The following QSOX2 variants were observed in gnomAD, a reference collection of about 807,000 sequenced individuals.
QSOX2 encodes the protein quiescin sulfhydryl oxidase 2, also known as sulfhydryl oxidase 2.
Under a neutral mutation model 61.7 loss-of-function variants are expected in QSOX2, and 46 were observed. The ratio of observed to expected loss-of-function variants is 0.75; its 90% CI spans 0.59 to 0.95. QSOX2 has a LOEUF of 0.95. Ranked by LOEUF, QSOX2 falls within the 40% of genes least tolerant of loss-of-function variation. The probability of loss-of-function intolerance (pLI) is 0.00; values close to 1 mark genes in which losing one functional copy is unlikely to be tolerated. For synonymous variants in QSOX2, 383 were observed against 388.4 expected (o/e 0.99, Z 0.16); for missense variants, 879 against 918.9 (o/e 0.96, Z 0.56).
intron 1 of QSOX2, among the ~76,000 whole-genome samples, chr9:136,227,213 G>A (rs1588637770): frequency 6.6e-6 from 1 of 152,194 alleles, no homozygotes; most frequent in African/African-American, 2.4e-5. Context: ...GTCAGCGGCC[G>A]GCACTTAAGT....
At chr9:136,218,324 C>T (rs1831937586) in intron 8 of QSOX2, among the ~76,000 whole-genome samples, 4 of 152,234 alleles carry the variant, frequency 2.6e-5, no homozygotes, top group Admixed American at 2.6e-4. Flanking sequence ...TCTCTCTCCC[C>T]CCAGCCCCCG....
chr9:136,214,402 A>G lies in QSOX2; in HGVS notation c.1360+752T>C, dbSNP rs544058328. 4.7e-4 allele frequency among the ~76,000 whole-genome samples: 71 copies of G among 152,292 alleles called. No homozygotes were observed. In the South Asian group the frequency reaches 0.015, roughly 32 times the overall value. On this transcript the variant is annotated intron_variant, in intron 10 of 11. Transcript: ENST00000358701. ...GGCCTGGGGACTGACTAGTAAGCAGAATCTGACAGAGGTGATGGAATATCA... is the reference window on the plus strand; with the variant it reads ...GGCCTGGGGACTGACTAGTAAGCAGGATCTGACAGAGGTGATGGAATATCA...
Position 136,223,867 on chromosome 9 carries a change from A to T in QSOX2, c.585-14T>A. On this transcript the variant is annotated splice_polypyrimidine_tract_variant and intron_variant, in intron 4 of 11. Transcript: ENST00000358701. The surrounding 1 kb of genome is among the most constrained non-coding windows in gnomAD (Gnocchi z 4.4). ...ACATCACTGGGCCTTTCAAGAGGAA[A>T]AAAAGAGGCTTTTAGTGCCGTCAAC... 6.2e-7 allele frequency: 1 copy of T among 1,613,580 alleles called. No individual in the cohort carries two copies. The highest frequency in any genetic ancestry group is 1.3e-5 in the African/African-American group (1 of 75,010).
chr9:136,227,472 A>G (rs1426731006), intron 1 of QSOX2, among the ~76,000 whole-genome samples: 5 of 152,206 alleles, frequency 3.3e-5, no homozygotes, highest in Admixed American at 1.3e-4. Flanking sequence ...TCCTATCTCT[A>G]AAGTTTTTGC....
intron 10 of QSOX2, 81 bp from the exon 11 acceptor site, chr9:136,211,533 GA>G: frequency 6.9e-7 from 1 of 1,439,266 alleles, no homozygotes; most frequent in Non-Finnish European, 9.6e-7. Flanking sequence ...AGCCTGGGGG[GA>G]AACCGCTCCT....
chr9:136,228,473 A>G (rs79323316), intron 1 of QSOX2, among the ~76,000 whole-genome samples: 5,688 of 152,320 alleles, frequency 0.037, 167 homozygotes, highest in African/African-American at 0.079. Context: ...TTGCACTGCC[A>G]ACAATTCACA....
chr9:136,228,650 G>A (rs377012078), intron 1 of QSOX2, among the ~76,000 whole-genome samples: 47 of 152,310 alleles, frequency 3.1e-4, no homozygotes, highest in African/African-American at 1.1e-3. Flanking sequence ...CCGTGGGAGA[G>A]GCAGGTGCAG....
intron 10 of QSOX2, among the ~76,000 whole-genome samples, chr9:136,211,936 G>A (rs972371732): frequency 5.9e-5 from 9 of 152,188 alleles, no homozygotes; most frequent in Admixed American, 1.3e-4. Flanking sequence ...TGCAGCTGTC[G>A]CGTTTGAAAG....
chr9:136,225,558 T>C (rs1588637148), intron 2 of QSOX2, among the ~76,000 whole-genome samples: 1 of 152,248 alleles, frequency 6.6e-6, no homozygotes, highest in South Asian at 2.1e-4. Context: ...CAGTGCTTCC[T>C]GCTGCACTGG....
intron 10 of QSOX2, among the ~76,000 whole-genome samples, chr9:136,213,166 TCTC>T (rs1831868634): frequency 6.6e-6 from 1 of 151,732 alleles, no homozygotes; most frequent in South Asian, 2.1e-4. Context: ...TGTCAGCTCA[TCTC>T]CTCACCAGAA....
rs2131056999 is a variant in QSOX2 at position 136,222,010 on chromosome 9, C to T, written c.676-69G>A. ...TTTCTCAGAAAACACGACGTGCAGA[C>T]ACATGGCCTTGCAGGGAACCTTTCA... On this transcript the variant is annotated intron_variant, in intron 5 of 11. Transcript: ENST00000358701. This position sits in a 1 kb window ranked among gnomAD's most constrained non-coding sequence, Gnocchi z 6.9. 6.9e-7 allele frequency: 1 copy of T among 1,458,354 alleles called. No homozygotes were observed. The allele number at this position is 1,458,354 out of a possible 1,614,324, so 90.3% of individuals were successfully genotyped here. A position where few individuals can be genotyped will look rare whatever the true frequency, so the allele number is the denominator to read the frequency against.
At position 136,208,673 on chromosome 9, in the gene QSOX2, C is replaced by A. The variant is rs11550932; in HGVS notation, c.*55G>T. On this transcript the variant is annotated 3_prime_UTR_variant, in exon 12 of 12. Transcript: ENST00000358701. ...ATAAATATTAAAGCTGCAGGTGGCA[C>A]GGGGCAGGGCTGCCTCCAAGGGAGC... 16 of 1,514,810 alleles carry A rather than the reference C, an allele frequency of 1.1e-5. No homozygotes were observed. The highest frequency in any genetic ancestry group is 6.6e-5 in the Admixed American group (3 of 45,660). The allele number at this position is 1,514,810 out of a possible 1,614,324, so 93.8% of individuals were successfully genotyped here.
chr9:136,235,014 A>G (rs982366275), intron 1 of QSOX2, among the ~76,000 whole-genome samples: 5 of 152,128 alleles, frequency 3.3e-5, no homozygotes, highest in African/African-American at 1.2e-4. Context: ...CCGCTGTTCA[A>G]CTGGTTCCCC....
intron 1 of QSOX2, among the ~76,000 whole-genome samples, chr9:136,244,635 T>G (rs1348111018): frequency 6.6e-6 from 1 of 152,146 alleles, no homozygotes; most frequent in Non-Finnish European, 1.5e-5. Flanking sequence ...TAAATACCAT[T>G]TTAAGGGAAG....
intron 10 of QSOX2, among the ~76,000 whole-genome samples, chr9:136,212,076 T>C (rs1265131152): frequency 1.3e-5 from 2 of 152,230 alleles, no homozygotes; most frequent in Non-Finnish European, 2.9e-5. Flanking sequence ...AGCCAGAGTT[T>C]GTGCCACCGA....
At position 136,211,552 on chromosome 9, in the gene QSOX2, C is replaced by A. The variant is rs994551797; in HGVS notation, c.1361-100G>T. On this transcript the variant is annotated intron_variant, in intron 10 of 11. Transcript: ENST00000358701. ...TGGGGGGAAACCGCTCCTGACATGT[C>A]GGGAAGCCACCTCATGTCTCCCCAG... 4.1e-6 allele frequency: 5 copies of A among 1,210,960 alleles called. No homozygotes were observed. In the African/African-American group the frequency reaches 7.5e-5, roughly 18 times the overall value. 75.0% of individuals were successfully genotyped at this position (1,210,960 alleles called of 1,614,324 possible).
In QSOX2 at chr9:136,212,799, A is replaced by T. The variant is rs185136942; in HGVS notation, c.1361-1347T>A. ...CTGTGGGAGGATTAGAGGCCTTCAC[A>T]GGCATTTTACTAGATAGGGCTTAAA... On this transcript the variant is annotated intron_variant, in intron 10 of 11. Transcript: ENST00000358701. Among the ~76,000 whole-genome samples the T allele has an allele frequency of 1.6e-3, 247 of 152,378 alleles. 1 individual carries two copies. The highest frequency in any genetic ancestry group is 6.8e-3 in the Middle Eastern group (2 of 294).
intron 8 of QSOX2, 121 bp downstream of exon 8, chr9:136,218,558 A>G (rs2131054274): frequency 1.6e-6 from 2 of 1,245,098 alleles, no homozygotes; most frequent in East Asian, 2.6e-5. Context: ...TGGGCGACAA[A>G]GCAAGGTGGA....
chr9:136,211,121 G>T, intron 11 of QSOX2, 143 bp downstream of exon 11: 2 of 948,452 alleles, frequency 2.1e-6, no homozygotes, highest in Non-Finnish European at 3.1e-6. Flanking sequence ...AGCCACCCAA[G>T]TCCTGATCCC....
Sources: gnomAD v4.1 joint callset for allele counts (sites outside exome capture counted in the v4.1 genomes callset) on GRCh38, gnomAD v4.1.1 for gene constraint, Gnocchi (gnomAD v3.1) non-coding constraint, MANE v1.5 for transcripts, NCBI Gene and HGNC (gene_info 2026-07-23, HGNC 2026-07-21) for gene names.